TBL1X: variants seen among roughly 807,000 people sequenced by gnomAD.
TBL1X encodes the protein transducin beta like 1 X-linked, also known as F-box-like/WD repeat-containing protein TBL1X.
A neutral mutation model predicts 50.7 loss-of-function variants in TBL1X; 10 were observed. The observed-to-expected ratio is 0.20, with a 90% CI of 0.12 to 0.33. The LOEUF is 0.33. TBL1X is among the 10% of genes least tolerant of loss of function. The pLI is 1.00. For missense variants in TBL1X, 340 were observed against 504.4 expected, an observed-to-expected ratio of 0.67 and a Z score of 3.12; for synonymous variants, 190 against 214.7, an observed-to-expected ratio of 0.88 and a Z score of 1.01.
intron 2 of TBL1X, among the ~76,000 whole-genome samples, chrX:9,602,233 G>A (rs1382763990): frequency 9.0e-6 from 1 of 111,605 alleles, no homozygotes; most frequent in Non-Finnish European, 1.9e-5. Context: ...GAACTCTCTA[G>A]AATGGCTCAA....
intron 2 of TBL1X, among the ~76,000 whole-genome samples, chrX:9,524,304 G>C (rs1251461988): frequency 8.9e-6 from 1 of 111,758 alleles, no homozygotes; most frequent in Non-Finnish European, 1.9e-5. Context: ...TTCAGTAACA[G>C]CAAGTACATT....
At chrX:9,555,756 G>A (rs1477499784) in intron 2 of TBL1X, among the ~76,000 whole-genome samples, 2 of 111,845 alleles carry the variant, frequency 1.8e-5, no homozygotes, top group East Asian at 2.8e-4. Flanking sequence ...TGCCTAGGGG[G>A]TTCCTTGTTG....
At chrX:9,484,916 TAAAA>T (rs760004328) in intron 1 of TBL1X, among the ~76,000 whole-genome samples, 8 of 41,306 alleles carry the variant, frequency 1.9e-4, no homozygotes, top group Admixed American at 3.1e-4. Context: ...ACCCTGGCAC[TAAAA>T]AAAAAAAAAA....
At position 9,566,316 on chromosome X, in the gene TBL1X, C is replaced by T. The variant is rs928774083; in HGVS notation, c.-131+64467C>T. On this transcript the variant is annotated intron_variant, in intron 2 of 17. Coordinates refer to ENST00000645353, the MANE Select transcript of TBL1X (RefSeq NM_005647.4). ...CAATGTTTCCTGGGGGTCAAAATTA[C>T]CTGTAAGAACCACTTGTTTTGAAGG... 2.7e-5 allele frequency among the ~76,000 whole-genome samples: 3 copies of T among 111,881 alleles called. No homozygotes were observed. In the South Asian group the frequency reaches 1.1e-3, roughly 42 times the overall value.
At chrX:9,582,211 C>T (rs746968542) in intron 2 of TBL1X, among the ~76,000 whole-genome samples, 2 of 112,262 alleles carry the variant, frequency 1.8e-5, no homozygotes, top group Admixed American at 1.9e-4. Flanking sequence ...TGCAAGTTAA[C>T]GTTTAAAGTG....
chrX:9,542,883 G>A (rs1254237280), intron 2 of TBL1X, among the ~76,000 whole-genome samples: 4 of 112,356 alleles, frequency 3.6e-5, no homozygotes, highest in African/African-American at 9.7e-5. Context: ...TCAGTCATTC[G>A]ATCCCTGGGT....
At chrX:9,606,608 G>A (rs1238024310) in intron 2 of TBL1X, among the ~76,000 whole-genome samples, 1 of 111,584 alleles carries the variant, frequency 9.0e-6, no homozygotes, top group Non-Finnish European at 1.9e-5. Context: ...GAGCCCAGGA[G>A]GTAGAGGCTG....
intron 2 of TBL1X, chrX:9,560,421 A>G (rs2082319422): frequency 8.9e-6 from 1 of 112,302 alleles, no homozygotes; most frequent in African/African-American, 3.2e-5. Flanking sequence ...CATCCCAGAT[A>G]GAGTGACAGG....
At chrX:9,502,874 A>G (rs2082008235) in intron 2 of TBL1X, among the ~76,000 whole-genome samples, 1 of 112,381 alleles carries the variant, frequency 8.9e-6, no homozygotes, top group African/African-American at 3.2e-5. Context: ...CCCTCACCAA[A>G]TAATCAATCC....
intron 2 of TBL1X, among the ~76,000 whole-genome samples, chrX:9,625,825 G>C (rs1356491028): frequency 8.9e-6 from 1 of 112,162 alleles, no homozygotes; most frequent in Non-Finnish European, 1.9e-5. Context: ...TGTAATCCCA[G>C]CTACTCGGGA....
chrX:9,621,132 G>T (rs1311917888), intron 2 of TBL1X, among the ~76,000 whole-genome samples: 2 of 111,627 alleles, frequency 1.8e-5, no homozygotes, highest in Admixed American at 9.5e-5. Context: ...GATGCTGCTT[G>T]GACCTTCAAG....
At chrX:9,498,636 G>A (rs2081984756) in intron 1 of TBL1X, among the ~76,000 whole-genome samples, 1 of 112,459 alleles carries the variant, frequency 8.9e-6, no homozygotes, top group Non-Finnish European at 1.9e-5. Flanking sequence ...TGCCTTCTTC[G>A]CGAGTATCTG....
chrX:9,505,262 C>A (rs192538108), intron 2 of TBL1X, among the ~76,000 whole-genome samples: 2 of 111,823 alleles, frequency 1.8e-5, no homozygotes, highest in African/African-American at 6.5e-5. Flanking sequence ...GATTTTGTTA[C>A]CACTAGGCCT....
chrX:9,479,138 T>C (rs377558874), intron 1 of TBL1X, among the ~76,000 whole-genome samples: 10 of 113,251 alleles, frequency 8.8e-5, no homozygotes, highest in East Asian at 5.5e-4. Flanking sequence ...TTCTCTGTTA[T>C]GTAGTGTTTA....
chrX:9,709,897 A>T, intron 15 of TBL1X, 137 bp downstream of exon 15: 1 of 875,109 alleles, frequency 1.1e-6, no homozygotes, highest in Non-Finnish European at 1.6e-6. Context: ...AGGGGCCAGG[A>T]TAGAATTACC....
chrX:9,644,659 C>CTTTTTT (rs759109242), intron 3 of TBL1X: 5 of 104,196 alleles, frequency 4.8e-5, no homozygotes, highest in African/African-American at 1.8e-4. Context: ...CTTTTCTTTT[C>CTTTTTT]TTTTTTTTTT....
chrX:9,684,241 G>A, intron 6 of TBL1X, 53 bp downstream of exon 6: 2 of 1,197,583 alleles, frequency 1.7e-6, no homozygotes, highest in East Asian at 3.0e-5. Flanking sequence ...GGAAGCTGCA[G>A]GAGCTTGGAA....
At chrX:9,674,679 A>AACCCCCCCCCCC (rs1569094481) in intron 5 of TBL1X, among the ~76,000 whole-genome samples, 2 of 1,053 alleles carry the variant, frequency 1.9e-3, no homozygotes, top group Admixed American at 0.011. Flanking sequence ...CTCCCGCCTC[A>AACCCCCCCCCCC]GCCCCCCCCC....
In TBL1X at chrX:9,592,086, A is replaced by AT. The variant is rs1186985431; in HGVS notation, c.-130-48180dup. On this transcript the variant is annotated intron_variant, in intron 2 of 17. Coordinates refer to ENST00000645353, the MANE Select transcript of TBL1X (RefSeq NM_005647.4). ...TTACATTTTCGTATCTGTTGATGTC[A>AT]TTTTTTTCCCCATTGCTGACTCCTG... Among the ~76,000 whole-genome samples, 5 of 111,496 alleles carry AT rather than the reference A, an allele frequency of 4.5e-5. No homozygotes were observed. The South Asian group carries it at 1.5e-3, about 34-fold the overall frequency.
Sources: allele counts gnomAD v4.1 joint callset (sites outside exome capture counted in the v4.1 genomes callset), GRCh38; gene constraint gnomAD v4.1.1; transcripts MANE v1.5; gene names NCBI Gene and HGNC (gene_info 2026-07-23, HGNC 2026-07-21).